Variants in RASGRF2 observed in about 807,000 individuals in gnomAD.
RASGRF2 encodes ras-specific guanine nucleotide-releasing factor 2.
Under a neutral mutation model 151.0 loss-of-function variants are expected in RASGRF2, and 76 were observed. That is an observed-to-expected ratio of 0.50 (90% CI 0.42 to 0.61). The LOEUF (loss-of-function observed/expected upper bound fraction) is 0.61, where lower values mean the gene tolerates loss of function less well. Among genes scored for constraint, RASGRF2 ranks in the 20% least tolerant of loss-of-function variants. The pLI, the probability that RASGRF2 is intolerant of heterozygous loss-of-function variation, is 0.00. For synonymous variants in RASGRF2, 504 were observed against 566.5 expected, an observed-to-expected ratio of 0.89 and a Z score of 1.57; for missense variants, 1,148 against 1,564.6, an observed-to-expected ratio of 0.73 and a Z score of 4.49.
rs1211439479 is a variant in RASGRF2, at chr5:81,217,565, T to G, written c.3552+92T>G. 10 of 877,282 alleles carry G rather than the reference T, an allele frequency of 1.1e-5. No homozygotes were observed. In the East Asian group the frequency reaches 3.4e-4, roughly 30 times the overall value. 54.3% of individuals were successfully genotyped at this position (877,282 alleles called of 1,614,324 possible). A position where few individuals can be genotyped will look rare whatever the true frequency, so the allele number is the denominator to read the frequency against. On this transcript the variant is annotated intron_variant, in intron 25 of 26. Transcript: ENST00000265080. ...ATAAAAGTCAATGTCTGCTTTTTTT[T>G]TTTCTCTTCTTTTTTTTTTTTTTTT...
chr5:80,970,573 A>G (rs1395414347), intron 1 of RASGRF2, among the ~76,000 whole-genome samples: 1 of 152,002 alleles, frequency 6.6e-6, no homozygotes, highest in Non-Finnish European at 1.5e-5. Flanking sequence ...GGTTGTCATA[A>G]CCCTCATGAT....
intron 1 of RASGRF2, among the ~76,000 whole-genome samples, chr5:80,976,202 G>T (rs1225354370): frequency 6.6e-6 from 1 of 152,100 alleles, no homozygotes; most frequent in Non-Finnish European, 1.5e-5. Flanking sequence ...TATGAACATT[G>T]TTTTGTGTTA....
At chr5:81,119,103 AATACAGGCT>A (rs1753236746) in intron 15 of RASGRF2, among the ~76,000 whole-genome samples, 1 of 152,216 alleles carries the variant, frequency 6.6e-6, no homozygotes, top group South Asian at 2.1e-4. Context: ...CATCCATGGC[AATACAGGCT>A]TTCTCTAGCC....
intron 7 of RASGRF2, among the ~76,000 whole-genome samples, chr5:81,085,529 G>A (rs1490634387): frequency 1.3e-5 from 2 of 151,790 alleles, no homozygotes; most frequent in South Asian, 2.1e-4. Context: ...GTATGATTAT[G>A]TAAAAAAAAA....
Position 81,112,847 on chromosome 5 carries a change from C to T in RASGRF2, c.2076C>T (p.Ser692=). 2 of 1,614,186 alleles carry T rather than the reference C, an allele frequency of 1.2e-6. No homozygotes were observed. The highest frequency in any genetic ancestry group is 1.7e-4 in the Middle Eastern group (1 of 6,060). The part of the protein sequence containing the change: ...LSDIYKRPFT[S]IPVRSLELFF... Reference sequence around the variant, plus strand: ...ACATATACAAGAGGCCTTTCACCTCCATCCCTGTCAGGTACACCTATTGCT... The same window carrying T: ...ACATATACAAGAGGCCTTTCACCTCTATCCCTGTCAGGTACACCTATTGCT... The change falls in exon 14 of 27, where the codon TCC becomes TCT. Residue 692 remains serine (S), a synonymous_variant. Coordinates refer to ENST00000265080, the MANE Select transcript of RASGRF2 (RefSeq NM_006909.3).
chr5:81,073,065 T>G, intron 4 of RASGRF2, 134 bp from the exon 5 acceptor site: 2 of 1,118,364 alleles, frequency 1.8e-6, no homozygotes, highest in South Asian at 3.3e-5. Context: ...ACATCATCCC[T>G]AGGGAATCCT....
At chr5:81,125,726 A>G (rs938924613) in intron 16 of RASGRF2, among the ~76,000 whole-genome samples, 3 of 152,238 alleles carry the variant, frequency 2.0e-5, no homozygotes, top group Non-Finnish European at 4.4e-5. Context: ...TTATATTCAC[A>G]TATAAAATTT....
chr5:81,217,726 G>A (rs1755773840), intron 25 of RASGRF2, among the ~76,000 whole-genome samples: 1 of 149,668 alleles, frequency 6.7e-6, no homozygotes, highest in Non-Finnish European at 1.5e-5. Flanking sequence ...TTACAGTTGT[G>A]TGCCTCATGC....
chr5:81,005,995 G>A (rs2112302304), intron 1 of RASGRF2, among the ~76,000 whole-genome samples: 1 of 152,278 alleles, frequency 6.6e-6, no homozygotes, highest in Middle Eastern at 3.4e-3. Flanking sequence ...TCGCTTCCAA[G>A]TTCAAATGTT....
At chr5:81,099,913 T>TC (rs1752650543) in intron 12 of RASGRF2, among the ~76,000 whole-genome samples, 1 of 118,840 alleles carries the variant, frequency 8.4e-6, no homozygotes, top group South Asian at 3.0e-4. Flanking sequence ...TTTTCTTTTT[T>TC]TTTTTTTTTT....
chr5:81,177,189 C>G (rs1034299623), intron 17 of RASGRF2, among the ~76,000 whole-genome samples: 1 of 152,180 alleles, frequency 6.6e-6, no homozygotes, highest in African/African-American at 2.4e-5. Context: ...TCCTTACTTT[C>G]TTGAGAACTC....
rs73127143 is a variant in RASGRF2, at chr5:81,050,075, C to A, written c.395+7092C>A. Among the ~76,000 whole-genome samples the A allele has an allele frequency of 5.3e-5, 8 of 152,258 alleles. No individual in the cohort carries two copies. The South Asian group carries it at 1.7e-3, about 32-fold the overall frequency. On this transcript the variant is annotated intron_variant, in intron 2 of 26. Transcript: ENST00000265080. ...ACCAGCAGGATATCATCCCCTGACC[C>A]CAGCCTAACTGCTCACTGCAGTCAC...
chr5:81,038,288 C>T (rs2112383556), intron 1 of RASGRF2, among the ~76,000 whole-genome samples: 1 of 152,260 alleles, frequency 6.6e-6, no homozygotes, highest in South Asian at 2.1e-4. Flanking sequence ...TGTCAAATTG[C>T]TTTCCAAAGG....
chr5:81,087,364 GA>G, intron 9 of RASGRF2: 1 of 702,492 alleles, frequency 1.4e-6, no homozygotes, highest in Non-Finnish European at 2.6e-6. Flanking sequence ...TGTCCGAAGT[GA>G]AAACAGCTGT....
chr5:81,018,962 G>A (rs1248464383), intron 1 of RASGRF2, among the ~76,000 whole-genome samples: 2 of 151,988 alleles, frequency 1.3e-5, no homozygotes, highest in Admixed American at 1.3e-4. Context: ...ACCACGCCCA[G>A]CTAATTTTTG....
chr5:81,036,562 A>G (rs1750501592), intron 1 of RASGRF2, among the ~76,000 whole-genome samples: 1 of 152,110 alleles, frequency 6.6e-6, no homozygotes, highest in South Asian at 2.1e-4. Flanking sequence ...TTCTATTTGT[A>G]TGTCCTTATT....
At chr5:80,969,746 T>C (rs1028545979) in intron 1 of RASGRF2, among the ~76,000 whole-genome samples, 2 of 145,310 alleles carry the variant, frequency 1.4e-5, no homozygotes, top group African/African-American at 5.1e-5. Context: ...CCACTGCGCC[T>C]GGCTAAGCAC....
intron 1 of RASGRF2, among the ~76,000 whole-genome samples, chr5:80,989,324 T>C (rs1356580840): frequency 1.3e-5 from 2 of 152,188 alleles, no homozygotes; most frequent in Non-Finnish European, 2.9e-5. Flanking sequence ...TGTGTTGATA[T>C]TCAAAATCAG....
chr5:81,094,948 C>T lies in RASGRF2; in HGVS notation c.1711C>T (p.Pro571Ser). ...CGCCTTCACTGTTGTCTTGTTAGCA[C>T]CCTCACGCCAGGAGAAAGCTGCCTG... ...AAAFTVVLLA[P>S]SRQEKAAWMS... The change falls in exon 12 of 27, where the codon CCC (proline) becomes TCC (serine). Residue 571 changes from proline (P) to serine (S), a missense_variant. Around this residue, in one of 5 missense-constraint regions of RASGRF2, gnomAD observed 646 missense variants for 807.4 expected, o/e 0.80. Transcript: ENST00000265080. The T allele has an allele frequency of 1.8e-5, 29 of 1,592,178 alleles. No homozygotes were observed. The highest frequency in any genetic ancestry group is 2.4e-5 in the Non-Finnish European group (28 of 1,168,526).
Sources: allele counts gnomAD v4.1 joint callset (sites outside exome capture counted in the v4.1 genomes callset), GRCh38; gene constraint gnomAD v4.1.1; regional missense constraint gnomAD v4.1.1; transcripts MANE v1.5; gene names NCBI Gene and HGNC (gene_info 2026-07-23, HGNC 2026-07-21).